The following LBP variants were observed in gnomAD, a reference collection of about 807,000 sequenced individuals.
LBP encodes lipopolysaccharide-binding protein.
LBP carries 53 observed loss-of-function variants against 56.6 expected under a neutral mutation model. That is an observed-to-expected ratio of 0.94 (90% confidence interval 0.75 to 1.18). The LOEUF is 1.18. Among genes scored for constraint, LBP ranks in the 50% most tolerant of loss-of-function variants. LBP has a pLI of 0.00. For synonymous variants in LBP, 227 were observed against 247.5 expected, an observed-to-expected ratio of 0.92 and a Z score of 0.78; for missense variants, 601 against 598.3, an observed-to-expected ratio of 1.00 and a Z score of -0.05.
chr20:38,359,665 A>C (rs1035942756), intron 5 of LBP, among the ~76,000 whole-genome samples: 1 of 152,212 alleles, frequency 6.6e-6, no homozygotes, highest in Non-Finnish European at 1.5e-5. Context: ...GAGTAATTAC[A>C]AAAGCAAGTA....
intron 9 of LBP, among the ~76,000 whole-genome samples, chr20:38,367,196 G>C (rs918884063): frequency 6.6e-6 from 1 of 152,174 alleles, no homozygotes. Context: ...GCTCATGCCT[G>C]TAATCCCAGC....
intron 8 of LBP, among the ~76,000 whole-genome samples, chr20:38,365,727 T>C (rs1269881103): frequency 7.6e-6 from 1 of 131,200 alleles, no homozygotes; most frequent in South Asian, 2.8e-4. Context: ...AATATATATA[T>C]ATATATATAT....
intron 5 of LBP, among the ~76,000 whole-genome samples, chr20:38,357,966 C>T (rs534165970): frequency 1.3e-5 from 2 of 152,300 alleles, no homozygotes; most frequent in Admixed American, 6.5e-5. Flanking sequence ...CTCTCATCGC[C>T]ATCTTGGTTT....
chr20:38,376,421 C>T (rs1057434830), intron 14 of LBP, among the ~76,000 whole-genome samples: 13 of 152,124 alleles, frequency 8.5e-5, no homozygotes, highest in African/African-American at 1.4e-4. Context: ...AATGACAGAT[C>T]GATCTCTACC....
chr20:38,361,722 C>T (rs184151273), intron 6 of LBP, among the ~76,000 whole-genome samples: 2,091 of 152,100 alleles, frequency 0.014, 23 homozygotes, highest in Non-Finnish European at 0.02. Context: ...TTTTTAAAAA[C>T]TTTTTATTGA....
Position 38,360,832 on chromosome 20 carries a change from A to G in LBP, c.652+65A>G, listed in dbSNP as rs2076857540. The G allele has an allele frequency of 3.3e-6, 4 of 1,218,774 alleles. No individual in the cohort carries two copies. In the African/African-American group the frequency reaches 6.2e-5, roughly 19 times the overall value. The allele number at this position is 1,218,774 out of a possible 1,614,324, so 75.5% of individuals were successfully genotyped here. On this transcript the variant is annotated intron_variant, in intron 6 of 14. Transcript: ENST00000217407. ...TTAATTTCTATAAGAGCATATATAT[A>G]TCTTATAAAATAGTAAATGGGGCAA...
chr20:38,349,832 G>A (rs2076814529), intron 2 of LBP, among the ~76,000 whole-genome samples, 170 bp downstream of exon 2: 1 of 152,124 alleles, frequency 6.6e-6, no homozygotes, highest in Admixed American at 6.5e-5. Context: ...GGAAGGAATT[G>A]AGCTCCTCCA....
Position 38,364,215 on chromosome 20 carries a change from G to A in LBP, c.744+149G>A. On this transcript the variant is annotated intron_variant, in intron 7 of 14. Coordinates refer to ENST00000217407, the MANE Select transcript of LBP (RefSeq NM_004139.5). Reference sequence around the variant, plus strand: ...GGGCCGGGTGATATGGAGTGGTGGGGAGTGTTTCCAGAGCTAGGATTCTCC... The same window carrying A: ...GGGCCGGGTGATATGGAGTGGTGGGAAGTGTTTCCAGAGCTAGGATTCTCC... 4.7e-6 allele frequency: 3 copies of A among 644,540 alleles called. No homozygotes were observed. In the Admixed American group the frequency reaches 7.7e-5, roughly 17 times the overall value. The allele number at this position is 644,540 out of a possible 1,614,324, so 39.9% of individuals were successfully genotyped here. A position where few individuals can be genotyped will look rare whatever the true frequency, so the allele number is the denominator to read the frequency against.
intron 5 of LBP, 124 bp from the exon 6 acceptor site, chr20:38,360,580 T>C (rs1224490299): frequency 1.5e-6 from 1 of 673,770 alleles, no homozygotes; most frequent in East Asian, 2.6e-5. Flanking sequence ...GACAAGCACT[T>C]ATAAATATTT....
chr20:38,364,549 C>T (rs373108225), intron 7 of LBP, 27 bp from the exon 8 acceptor site: 2 of 1,612,892 alleles, frequency 1.2e-6, no homozygotes, highest in African/African-American at 2.7e-5. Context: ...TTTGAAAAGT[C>T]CAATTGGACC....
At chr20:38,376,492 C>A in intron 14 of LBP, 133 bp from the exon 15 acceptor site, 2 of 795,150 alleles carry the variant, frequency 2.5e-6, no homozygotes, top group South Asian at 1.5e-5. Flanking sequence ...GAGGCACACT[C>A]GCAATTTATG....
rs574521298 is a variant in LBP, at chr20:38,355,838, A to T, written c.588+429A>T. 2.0e-5 allele frequency among the ~76,000 whole-genome samples: 3 copies of T among 152,154 alleles called. No individual in the cohort carries two copies. In the East Asian group the frequency reaches 5.8e-4, roughly 29 times the overall value. ...GCGAGCTCATGAGCACCAGCCCTGGATGGGGAGGCAGCAACACTGTCAGAC... is the reference window on the plus strand; with the variant it reads ...GCGAGCTCATGAGCACCAGCCCTGGTTGGGGAGGCAGCAACACTGTCAGAC... On this transcript the variant is annotated intron_variant, in intron 5 of 14. Coordinates refer to ENST00000217407, the MANE Select transcript of LBP (RefSeq NM_004139.5).
chr20:38,357,786 GGGGCGA>G (rs1486213276), intron 5 of LBP, among the ~76,000 whole-genome samples: 1 of 152,218 alleles, frequency 6.6e-6, no homozygotes, highest in Non-Finnish European at 1.5e-5. Flanking sequence ...TTCCTGGAAA[GGGGCGA>G]GGACTTCCCA....
At chr20:38,348,012 T>C (rs1271856528) in intron 1 of LBP, among the ~76,000 whole-genome samples, 1 of 152,080 alleles carries the variant, frequency 6.6e-6, no homozygotes, top group African/African-American at 2.4e-5. Context: ...GAAAAGACAG[T>C]GGGAATTACC....
At position 38,373,101 on chromosome 20, in the gene LBP, T is replaced by C. The variant is rs1022924712; in HGVS notation, c.1290T>C (p.Tyr430=). The part of the protein sequence containing the change: ...NAELLEALLN[Y]YILNTFYPKF... The stretch of plus-strand genomic sequence containing the variant: ...AGCTGTTGGAAGCGCTCCTCAACTA[T>C]TACATCCTTAACACCTTCTACCCCA... Residue 430 remains tyrosine (Y), a synonymous_variant, in exon 13 of 15, where the codon TAT becomes TAC. Coordinates refer to ENST00000217407, the MANE Select transcript of LBP (RefSeq NM_004139.5). The C allele has an allele frequency of 6.2e-7, 1 of 1,614,082 alleles. No individual in the cohort carries two copies.
intron 2 of LBP, 54 bp downstream of exon 2, chr20:38,349,716 G>A: frequency 7.8e-7 from 1 of 1,285,276 alleles, no homozygotes; most frequent in South Asian, 1.3e-5. Flanking sequence ...GGCTGTCAGG[G>A]GGAATTGGAG....
intron 14 of LBP, among the ~76,000 whole-genome samples, chr20:38,375,107 A>T (rs945717835): frequency 6.6e-6 from 1 of 151,632 alleles, no homozygotes; most frequent in Non-Finnish European, 1.5e-5. Context: ...AACACTATAT[A>T]TGTTTACAAA....
chr20:38,371,356 G>A (rs766795301), intron 12 of LBP, 34 bp downstream of exon 12: 23 of 1,489,464 alleles, frequency 1.5e-5, no homozygotes, highest in Non-Finnish European at 2.1e-5. Context: ...TGATTAGAAT[G>A]TTAATTAATT....
At chr20:38,360,664 TG>T in intron 5 of LBP, 39 bp from the exon 6 acceptor site, 2 of 1,438,882 alleles carry the variant, frequency 1.4e-6, no homozygotes, top group Non-Finnish European at 9.8e-7. Context: ...AGACCAGAGC[TG>T]GGGAACTCAC....
Sources: gnomAD v4.1 joint callset for allele counts (sites outside exome capture counted in the v4.1 genomes callset) on GRCh38, gnomAD v4.1.1 for gene constraint, MANE v1.5 for transcripts, NCBI Gene and HGNC (gene_info 2026-07-23, HGNC 2026-07-21) for gene names.